PCDH11Y: variants seen among roughly 807,000 people sequenced by gnomAD.
The protein encoded by PCDH11Y is protocadherin 11 Y-linked.
For missense variants in PCDH11Y, 12 were observed against 224.8 expected (o/e 0.05, Z 6.05); for synonymous variants, 9 against 83.6 (o/e 0.11, Z 4.87).
intron 2 of PCDH11Y, among the ~76,000 whole-genome samples, chrY:5,407,785 G>A (rs2053241091): frequency 6.5e-5 from 2 of 31,000 alleles, no homozygotes. Context: ...CGTGGTGGCG[G>A]GCGCCTGTAG....
intron 2 of PCDH11Y, among the ~76,000 whole-genome samples, chrY:5,344,735 C>G: frequency 3.1e-5 from 1 of 32,212 alleles, no homozygotes; most frequent in East Asian, 8.2e-4. Flanking sequence ...GTGGCGTGAT[C>G]TTGGCTCACT....
intron 4 of PCDH11Y, among the ~76,000 whole-genome samples, chrY:5,667,816 A>G (rs2124707960): frequency 6.0e-5 from 2 of 33,131 alleles, no homozygotes; most frequent in Non-Finnish European, 1.5e-4. Context: ...GGTTAACACT[A>G]GCACCTTCTG....
intron 2 of PCDH11Y, among the ~76,000 whole-genome samples, chrY:5,368,528 T>G: frequency 1.2e-4 from 4 of 34,022 alleles, no homozygotes; most frequent in Non-Finnish European, 2.2e-4. Context: ...ATGGAAACAC[T>G]TGGATGCCCA....
At chrY:5,367,546 G>A (rs1377205817) in intron 2 of PCDH11Y, among the ~76,000 whole-genome samples, 3 of 26,737 alleles carry the variant, frequency 1.1e-4, no homozygotes, top group Non-Finnish European at 1.7e-4. Context: ...CACCGTGCCC[G>A]GCTAATTTTT....
intron 2 of PCDH11Y, among the ~76,000 whole-genome samples, chrY:5,262,711 C>T: frequency 3.1e-5 from 1 of 32,119 alleles, no homozygotes; most frequent in African/African-American, 1.2e-4. Flanking sequence ...AAGAAAATCT[C>T]ATTTTCTGAG....
At chrY:5,597,904 T>G in intron 4 of PCDH11Y, among the ~76,000 whole-genome samples, 1 of 31,952 alleles carries the variant, frequency 3.1e-5, no homozygotes, top group Non-Finnish European at 7.7e-5. Context: ...TGCACCAAAA[T>G]CTCAGAAATC....
intron 3 of PCDH11Y, among the ~76,000 whole-genome samples, chrY:5,565,779 A>G (rs2124695713): frequency 3.4e-4 from 10 of 29,213 alleles, no homozygotes; most frequent in Admixed American, 2.7e-3. Context: ...AAAACTTTCT[A>G]TAAGAATGAA....
chrY:5,038,485 A>G, intron 3 of PCDH11Y, among the ~76,000 whole-genome samples: 1 of 31,118 alleles, frequency 3.2e-5, no homozygotes. Context: ...CCTACCCAAT[A>G]TACTAAAGAT....
chrY:5,333,401 A>G, intron 2 of PCDH11Y, among the ~76,000 whole-genome samples: 1 of 33,428 alleles, frequency 3.0e-5, no homozygotes, highest in African/African-American at 1.2e-4. Context: ...AAAATGTTCT[A>G]TTATCATTAT....
chrY:5,711,439 G>A, intron 4 of PCDH11Y, among the ~76,000 whole-genome samples: 1 of 30,292 alleles, frequency 3.3e-5, no homozygotes. Context: ...TGTGCCTGTT[G>A]CTAAGCTGTC....
chrY:5,207,345 C>A, intron 2 of PCDH11Y: 1 of 226,787 alleles, frequency 4.4e-6, no homozygotes, highest in African/African-American at 8.2e-5. Flanking sequence ...ACCTATCAGG[C>A]TGGAGTTGTT....
At chrY:5,360,488 G>A (rs2053173654) in intron 2 of PCDH11Y, among the ~76,000 whole-genome samples, 2 of 32,171 alleles carry the variant, frequency 6.2e-5, no homozygotes. Context: ...TAGCAGAGTC[G>A]AGAACACACA....
chrY:5,176,009 T>C, intron 2 of PCDH11Y, among the ~76,000 whole-genome samples: 1 of 15,384 alleles, frequency 6.5e-5, no homozygotes, highest in Non-Finnish European at 1.2e-4. Flanking sequence ...AAAGTGTTCC[T>C]ATTTCTCCAC....
At chrY:5,724,619 A>G in intron 4 of PCDH11Y, among the ~76,000 whole-genome samples, 1 of 33,801 alleles carries the variant, frequency 3.0e-5, no homozygotes, top group Non-Finnish European at 7.4e-5. Flanking sequence ...TCTTATACAG[A>G]AAATCTTATG....
At chrY:5,448,103 C>T in intron 2 of PCDH11Y, among the ~76,000 whole-genome samples, 1 of 32,012 alleles carries the variant, frequency 3.1e-5, no homozygotes, top group African/African-American at 1.2e-4. Context: ...CAATAGCATT[C>T]GCTTTCAGAC....
intron 4 of PCDH11Y, among the ~76,000 whole-genome samples, chrY:5,656,444 T>C (rs2053536305): frequency 3.1e-5 from 1 of 31,954 alleles, no homozygotes; most frequent in Non-Finnish European, 7.6e-5. Context: ...TTGTCCATTT[T>C]TTTTTTTTTG....
chrY:5,206,566 C>G, intron 2 of PCDH11Y, among the ~76,000 whole-genome samples: 2 of 30,333 alleles, frequency 6.6e-5, no homozygotes, highest in Non-Finnish European at 1.6e-4. Flanking sequence ...CAGACGCTTC[C>G]AAGCTTATAG....
chrY:5,198,917 G>A, intron 2 of PCDH11Y, among the ~76,000 whole-genome samples: 1 of 33,107 alleles, frequency 3.0e-5, no homozygotes, highest in Non-Finnish European at 7.4e-5. Context: ...CAGTGGTGTG[G>A]TTGTGACTGT....
At position 5,293,287 on chromosome Y, in the gene PCDH11Y, G is replaced by A. The variant is rs1602900250; in HGVS notation, c.3129+192580G>A. ...TGGGATTACATATGTGCACCACCAC[G>A]CCTGGCTGATTTTTGTATTTTTAGT... is the stretch of plus-strand genomic sequence containing the variant. On this transcript the variant is annotated intron_variant, in intron 2 of 4. Transcript: ENST00000400457. Among the ~76,000 whole-genome samples, 5 of 30,705 alleles carry A rather than the reference G, an allele frequency of 1.6e-4. No individual in the cohort carries two copies. The East Asian group carries it at 4.3e-3, about 27-fold the overall frequency. The allele number at this position is 30,705 out of a possible 37,273, so 82.4% of individuals were successfully genotyped here. A position where few individuals can be genotyped will look rare whatever the true frequency, so the allele number is the denominator to read the frequency against.
Sources: gnomAD v4.1 joint callset for allele counts (sites outside exome capture counted in the v4.1 genomes callset) on GRCh38, gnomAD v4.1.1 for gene constraint, MANE v1.5 for transcripts, NCBI Gene and HGNC (gene_info 2026-07-23, HGNC 2026-07-21) for gene names.